The following DNAH11 variants were observed in gnomAD, a reference collection of about 807,000 sequenced individuals.
DNAH11 encodes the protein dynein axonemal heavy chain 11.
DNAH11 carries 442 observed loss-of-function variants against 526.0 expected under a neutral mutation model. That is an observed-to-expected ratio of 0.84 (90% CI 0.78 to 0.91). The LOEUF (loss-of-function observed/expected upper bound fraction) is 0.91. Among genes scored for constraint, DNAH11 ranks in the 40% least tolerant of loss-of-function variants. DNAH11 has a pLI of 0.00. For missense variants in DNAH11, 6,989 were observed against 5,448.7 expected (o/e 1.28, Z -8.90); for synonymous variants, 2,461 against 1,935.9 (o/e 1.27, Z -7.12).
At chr7:21,739,208 T>A (rs1255029898) in intron 47 of DNAH11, among the ~76,000 whole-genome samples, 10 of 152,228 alleles carry the variant, frequency 6.6e-5, no homozygotes, top group Non-Finnish European at 1.2e-4. Flanking sequence ...AGGGTGTAAA[T>A]GTTTGGGCAC....
intron 34 of DNAH11, among the ~76,000 whole-genome samples, chr7:21,687,935 G>A (rs1445230847): frequency 6.6e-6 from 1 of 152,086 alleles, no homozygotes; most frequent in African/African-American, 2.4e-5. Flanking sequence ...GGTGGCATGT[G>A]CCTGTAGTCC....
intron 61 of DNAH11, among the ~76,000 whole-genome samples, chr7:21,789,820 C>CTTTCTTT (rs2127988750): frequency 4.7e-5 from 4 of 85,924 alleles, no homozygotes; most frequent in African/African-American, 8.3e-5. Flanking sequence ...TTCTTTCTTT[C>CTTTCTTT]TTTCTTTCTT....
chr7:21,746,535 C>T (rs942892462), intron 51 of DNAH11, among the ~76,000 whole-genome samples: 2 of 151,832 alleles, frequency 1.3e-5, no homozygotes, highest in South Asian at 2.1e-4. Flanking sequence ...CCCAGGAGTT[C>T]GAGGTTGCAG....
intron 6 of DNAH11, among the ~76,000 whole-genome samples, 196 bp from the exon 7 acceptor site, chr7:21,569,873 T>G (rs1433032913): frequency 6.6e-6 from 1 of 152,244 alleles, no homozygotes; most frequent in African/African-American, 2.4e-5. Context: ...GTCTCCTGTA[T>G]GTAATTCTAA....
intron 65 of DNAH11, among the ~76,000 whole-genome samples, chr7:21,825,667 A>G (rs747281203): frequency 1.3e-5 from 2 of 151,850 alleles, no homozygotes; most frequent in Non-Finnish European, 2.9e-5. Flanking sequence ...AGGGCACTCT[A>G]AGCTTTCAAA....
At chr7:21,725,092 C>T (rs763632411) in intron 44 of DNAH11, among the ~76,000 whole-genome samples, 2 of 152,200 alleles carry the variant, frequency 1.3e-5, no homozygotes, top group Non-Finnish European at 2.9e-5. Flanking sequence ...TATATCTATA[C>T]TGATATTAAA....
intron 46 of DNAH11, among the ~76,000 whole-genome samples, chr7:21,737,228 T>G (rs1361490125): frequency 6.6e-6 from 1 of 152,156 alleles, no homozygotes; most frequent in Admixed American, 6.5e-5. Flanking sequence ...TTCAATGAAT[T>G]GAATATGATG....
intron 39 of DNAH11, among the ~76,000 whole-genome samples, chr7:21,707,002 G>A (rs1397471456): frequency 6.6e-6 from 1 of 152,204 alleles, no homozygotes; most frequent in Admixed American, 6.5e-5. Flanking sequence ...CCTCAGCACT[G>A]TTGACATTCT....
At chr7:21,747,294 A>G (rs982944741) in intron 51 of DNAH11, among the ~76,000 whole-genome samples, 16 of 152,288 alleles carry the variant, frequency 1.1e-4, no homozygotes, top group African/African-American at 3.6e-4. Context: ...CTTCTCTGTT[A>G]CTGGAGGTTT....
Position 21,900,092 on chromosome 7 carries a change from T to A in DNAH11, c.13275T>A (p.Gly4425=), listed in dbSNP as rs1784706255. The A allele has an allele frequency of 1.9e-6, 3 of 1,613,694 alleles. No individual in the cohort carries two copies. The highest frequency in any genetic ancestry group is 2.5e-6 in the Non-Finnish European group (3 of 1,179,838). Residue 4425 remains glycine (G), a synonymous_variant, in exon 81 of 82, where the codon GGT becomes GGA. Coordinates refer to ENST00000409508, the MANE Select transcript of DNAH11 (RefSeq NM_001277115.2). ...KEDYGHPPRE[G]AYLHGLFMEG... ...ATTATGGACACCCGCCAAGGGAAGG[T>A]GCATACCTCCACGGACTCTTCATGG...
chr7:21,721,541 G>A (rs981483746), intron 44 of DNAH11, among the ~76,000 whole-genome samples: 8 of 152,336 alleles, frequency 5.3e-5, no homozygotes, highest in Admixed American at 3.9e-4. Context: ...GCATGGTTGA[G>A]TTCCAGCAAG....
At position 21,744,573 on chromosome 7, in the gene DNAH11, C is replaced by A. The variant is rs1352026892; in HGVS notation, c.8290C>A (p.Leu2764Met). 1.2e-6 allele frequency: 2 copies of A among 1,613,294 alleles called. No homozygotes were observed. Among genetic ancestry groups the A allele is most frequent in the Non-Finnish European group, 1.7e-6 (2 of 1,179,750 alleles). ...KDCDLFQRRM[L>M]ETAYKYFEGI... ...TTGTGATTTGTTTCAGAGAAGAATG[C>A]TGGAAACTGCTTATAAATATTTTGA... The change falls in exon 50 of 82, where the codon CTG becomes ATG. Residue 2764 changes from leucine to methionine, a missense_variant. Leu to Met is a conservative substitution (Grantham distance 15). Coordinates refer to ENST00000409508, the MANE Select transcript of DNAH11 (RefSeq NM_001277115.2).
Position 21,731,172 on chromosome 7 carries a change from C to T in DNAH11, c.7441-4468C>T, listed in dbSNP as rs73275638. 3.0e-3 allele frequency among the ~76,000 whole-genome samples: 457 copies of T among 151,930 alleles called. 2 individuals are homozygous for T. Among genetic ancestry groups the T allele is most frequent in the African/African-American group, 9.2e-3 (383 of 41,430 alleles). On this transcript the variant is annotated intron_variant, in intron 45 of 81. Coordinates refer to ENST00000409508, the MANE Select transcript of DNAH11 (RefSeq NM_001277115.2). Reference sequence around the variant, plus strand: ...AAAAAAAAACTATGTGAATTGTAAGCGTATGTTAATTTGCTGGATTTAGCC... The same window carrying T: ...AAAAAAAAACTATGTGAATTGTAAGTGTATGTTAATTTGCTGGATTTAGCC...
At chr7:21,549,140 A>G (rs1179640246) in intron 2 of DNAH11, among the ~76,000 whole-genome samples, 1 of 152,136 alleles carries the variant, frequency 6.6e-6, no homozygotes, top group Middle Eastern at 3.2e-3. Context: ...TGGCCTCCCA[A>G]AGTCCTGGGA....
rs375023124 is a variant in DNAH11, at chr7:21,559,756, G to T, written c.846G>T (p.Met282Ile). Reference protein sequence around the residue: ...LSPQAELDFWMMRRENLSCIY... With the variant: ...LSPQAELDFWIMRRENLSCIY... Reference sequence around the variant, plus strand: ...CTCAAGCAGAACTAGATTTCTGGATGATGAGGAGAGAAAATCTGTCATGCA... The same window carrying T: ...CTCAAGCAGAACTAGATTTCTGGATTATGAGGAGAGAAAATCTGTCATGCA... Residue 282 changes from methionine (M) to isoleucine (I), a missense_variant, in exon 4 of 82, where the codon ATG becomes ATT. By Grantham distance (10) the Met-to-Ile change is conservative (BLOSUM62 1). Transcript: ENST00000409508. 6.2e-7 allele frequency: 1 copy of T among 1,606,098 alleles called. No individual in the cohort carries two copies. Among genetic ancestry groups the T allele is most frequent in the East Asian group, 2.2e-5 (1 of 44,654 alleles).
intron 44 of DNAH11, among the ~76,000 whole-genome samples, chr7:21,722,292 C>G (rs1175064685): frequency 6.6e-6 from 1 of 152,162 alleles, no homozygotes; most frequent in Non-Finnish European, 1.5e-5. Context: ...GTGTCTTTCT[C>G]CAAAAGCCAC....
At chr7:21,710,004 G>A (rs1229754360) in intron 40 of DNAH11, among the ~76,000 whole-genome samples, 1 of 152,212 alleles carries the variant, frequency 6.6e-6, no homozygotes, top group Non-Finnish European at 1.5e-5. Context: ...TGGCAAAAGG[G>A]ACTGTAGATT....
At chr7:21,701,812 A>T (rs1009410555) in intron 36 of DNAH11, among the ~76,000 whole-genome samples, 1 of 152,132 alleles carries the variant, frequency 6.6e-6, no homozygotes, top group African/African-American at 2.4e-5. Context: ...GGGTGCTTTT[A>T]TCTCCCTTTT....
rs1258079253 is a variant in DNAH11 at position 21,698,146 on chromosome 7, A to G, written c.6113A>G (p.Asp2038Gly). 3 of 1,613,518 alleles carry G rather than the reference A, an allele frequency of 1.9e-6. No individual in the cohort carries two copies. Among genetic ancestry groups the G allele is most frequent in the Non-Finnish European group, 2.5e-6 (3 of 1,179,714 alleles). The part of the protein sequence containing the change: ...EILLVAEGFV[D>G]ARALARKFIT... ...TTGTTAGTTGCTGAAGGTTTTGTGGATGCGCGTGCATTAGCCCGAAAGTTC... is the reference window on the plus strand; with the variant it reads ...TTGTTAGTTGCTGAAGGTTTTGTGGGTGCGCGTGCATTAGCCCGAAAGTTC... The change falls in exon 36 of 82, where the codon GAT becomes GGT. Residue 2038 changes from aspartate (D) to glycine (G), a missense_variant. By Grantham distance (94) the Asp-to-Gly change is moderately conservative (BLOSUM62 -1). Coordinates refer to ENST00000409508, the MANE Select transcript of DNAH11 (RefSeq NM_001277115.2).
Sources: gnomAD v4.1 joint callset for allele counts (sites outside exome capture counted in the v4.1 genomes callset) on GRCh38, gnomAD v4.1.1 for gene constraint, MANE v1.5 for transcripts, NCBI Gene and HGNC (gene_info 2026-07-23, HGNC 2026-07-21) for gene names.